DPYSL2: variants seen among roughly 807,000 people sequenced by gnomAD.
DPYSL2 encodes the protein dihydropyrimidinase-related protein 2.
DPYSL2 carries 13 observed loss-of-function variants against 69.9 expected under a neutral mutation model. The observed-to-expected ratio is 0.19, with a 90% CI of 0.12 to 0.30. The LOEUF (loss-of-function observed/expected upper bound fraction) is 0.30. Among genes scored for constraint, DPYSL2 ranks in the 10% least tolerant of loss-of-function variants. The probability of loss-of-function intolerance (pLI) is 1.00; values close to 1 mark genes in which losing one functional copy is unlikely to be tolerated. For missense variants in DPYSL2, 587 were observed against 918.9 expected, an observed-to-expected ratio of 0.64 and a Z score of 4.67; for synonymous variants, 326 against 359.1, an observed-to-expected ratio of 0.91 and a Z score of 1.04.
At chr8:26,521,457 A>G (rs973685115) in intron 1 of DPYSL2, among the ~76,000 whole-genome samples, 2 of 144,488 alleles carry the variant, frequency 1.4e-5, no homozygotes, top group Non-Finnish European at 3.0e-5. Context: ...AAAGAAAGCT[A>G]TGCTGCCCAT....
Position 26,626,664 on chromosome 8 carries a change from C to T in DPYSL2, c.841C>T (p.Leu281=). The change falls in exon 5 of 14, where the codon CTA becomes TTA. Residue 281 remains leucine (L), a synonymous_variant. Transcript: ENST00000521913. The surrounding 1 kb of genome is among the most constrained non-coding windows in gnomAD (Gnocchi z 4.3). ...VYMAFKDRFQ[L]TDCQIYEVLS... ...CATGGCTTTCAAAGATCGCTTCCAG[C>T]TAACGGATTGCCAGGTAAGAAAGTC... 1 of 1,614,210 alleles carries T rather than the reference C, an allele frequency of 6.2e-7. No individual in the cohort carries two copies. The highest frequency in any genetic ancestry group is 2.2e-5 in the East Asian group (1 of 44,888).
chr8:26,521,499 A>T (rs527878644), intron 1 of DPYSL2, among the ~76,000 whole-genome samples: 1 of 151,358 alleles, frequency 6.6e-6, no homozygotes, highest in Non-Finnish European at 1.5e-5. Flanking sequence ...CTTATAATCG[A>T]GGCAAAATTG....
chr8:26,573,961 G>A (rs1668197329), intron 1 of DPYSL2, among the ~76,000 whole-genome samples: 7 of 150,472 alleles, frequency 4.7e-5, no homozygotes, highest in Admixed American at 4.6e-4. Flanking sequence ...TCATAGCAAT[G>A]ATGGCACTTA....
At position 26,571,137 on chromosome 8, in the gene DPYSL2, G is replaced by C. The variant is rs556499317; in HGVS notation, c.355-10832G>C. Among the ~76,000 whole-genome samples the C allele has an allele frequency of 6.6e-6, 1 of 152,332 alleles. No individual in the cohort carries two copies. The highest frequency in any genetic ancestry group is 1.9e-4 in the East Asian group (1 of 5,190). Reference sequence around the variant, plus strand: ...GGTGAGTGGACCCCTCACTAGGTAGGGAGTGAGCCCTTCCTCCTAGTCCAT... The same window carrying C: ...GGTGAGTGGACCCCTCACTAGGTAGCGAGTGAGCCCTTCCTCCTAGTCCAT... On this transcript the variant is annotated intron_variant, in intron 1 of 13. Transcript: ENST00000521913. This position sits in a 1 kb window ranked among gnomAD's most constrained non-coding sequence, Gnocchi z 6.1.
At chr8:26,618,650 A>G (rs1256618424) in intron 3 of DPYSL2, among the ~76,000 whole-genome samples, 1 of 150,796 alleles carries the variant, frequency 6.6e-6, no homozygotes, top group East Asian at 2.0e-4. Context: ...GAGTAAATGG[A>G]GGTTCCTGGC....
intron 3 of DPYSL2, among the ~76,000 whole-genome samples, chr8:26,613,704 G>A: frequency 6.6e-6 from 1 of 152,202 alleles, no homozygotes; most frequent in African/African-American, 2.4e-5. Flanking sequence ...GGAGAGATCA[G>A]GAGCCCCATG....
chr8:26,637,896 T>C (rs538999926), intron 8 of DPYSL2: 1 of 152,364 alleles, frequency 6.6e-6, no homozygotes, highest in Admixed American at 6.5e-5. Flanking sequence ...TGACCAGTTA[T>C]TGTGACTACA....
intron 7 of DPYSL2, among the ~76,000 whole-genome samples, chr8:26,629,791 C>G (rs948369572): frequency 1.3e-5 from 2 of 152,126 alleles, no homozygotes; most frequent in Non-Finnish European, 2.9e-5. Flanking sequence ...AACGGGGTCT[C>G]ACTATATTGC....
At chr8:26,612,617 C>G (rs1266088605) in intron 3 of DPYSL2, among the ~76,000 whole-genome samples, 1 of 152,174 alleles carries the variant, frequency 6.6e-6, no homozygotes, top group Non-Finnish European at 1.5e-5. Flanking sequence ...TTTGGGAGGC[C>G]GAGGCGGGTG....
Position 26,514,159 on chromosome 8 carries a change from G to C in DPYSL2, c.-167G>C. On this transcript the variant is annotated 5_prime_UTR_variant, in exon 1 of 14. Coordinates refer to ENST00000521913, the MANE Select transcript of DPYSL2 (RefSeq NM_001197293.3). The surrounding 1 kb of genome is among the most constrained non-coding windows in gnomAD (Gnocchi z 8.4). ...GCGGGGTCAGGGGGAGGGACCGGGAGGGTGGGTCGCCGGCTCGCCAGCCCT... is the reference window on the plus strand; with the variant it reads ...GCGGGGTCAGGGGGAGGGACCGGGACGGTGGGTCGCCGGCTCGCCAGCCCT... 2.0e-6 allele frequency: 1 copy of C among 502,944 alleles called. No individual in the cohort carries two copies. 31.2% of individuals were successfully genotyped at this position (502,944 alleles called of 1,614,324 possible). A position where few individuals can be genotyped will look rare whatever the true frequency, so the allele number is the denominator to read the frequency against.
chr8:26,577,100 C>T (rs984094593), intron 1 of DPYSL2: 2 of 439,350 alleles, frequency 4.6e-6, no homozygotes, highest in Non-Finnish European at 9.1e-6. Flanking sequence ...CCATACCCCG[C>T]AGCCTTCCCC....
intron 1 of DPYSL2, among the ~76,000 whole-genome samples, chr8:26,542,764 G>A (rs1800706407): frequency 6.6e-6 from 1 of 152,020 alleles, no homozygotes; most frequent in Admixed American, 6.6e-5. Context: ...TGCATTATAG[G>A]AAAGTGAAAA....
chr8:26,627,950 C>G lies in DPYSL2; in HGVS notation c.1005+10C>G, dbSNP rs200535316. 2.6e-5 allele frequency: 42 copies of G among 1,613,018 alleles called. No homozygotes were observed. In the East Asian group the frequency reaches 8.7e-4, roughly 33 times the overall value. ...GAGCCGACCTGAGGAGGTGAATGTT[C>G]ACCAAGCGGAATGCGTGAATCAGTG... On this transcript the variant is annotated intron_variant, in intron 7 of 13. Coordinates refer to ENST00000521913, the MANE Select transcript of DPYSL2 (RefSeq NM_001197293.3). This position sits in a 1 kb window ranked among gnomAD's most constrained non-coding sequence, Gnocchi z 6.9.
chr8:26,624,164 C>A lies in DPYSL2; in HGVS notation c.650C>A (p.Pro217His). The change falls in exon 4 of 14, where the codon CCT becomes CAT. Residue 217 changes from proline (P) to histidine (H), a missense_variant. Pro to His is a moderately conservative substitution (Grantham distance 77). Around this residue, in one of 3 missense-constraint regions of DPYSL2, gnomAD observed 452 missense variants for 754.3 expected, o/e 0.60. Transcript: ENST00000521913. The surrounding 1 kb of genome is among the most constrained non-coding windows in gnomAD (Gnocchi z 4.7). ...CTAGTTGACCACGTTGTTCCTGAGCCTGGGACAAGCCTGCTCGCTGCCTTT... is the reference window on the plus strand; with the variant it reads ...CTAGTTGACCACGTTGTTCCTGAGCATGGGACAAGCCTGCTCGCTGCCTTT... Reference protein sequence around the residue: ...TMIIDHVVPEPGTSLLAAFDQ... With the variant: ...TMIIDHVVPEHGTSLLAAFDQ... The A allele has an allele frequency of 6.2e-7, 1 of 1,614,216 alleles. No homozygotes were observed. Among genetic ancestry groups the A allele is most frequent in the Non-Finnish European group, 8.5e-7 (1 of 1,180,048 alleles).
intron 4 of DPYSL2, among the ~76,000 whole-genome samples, chr8:26,625,641 C>T (rs1050509248): frequency 6.6e-6 from 1 of 152,138 alleles, no homozygotes; most frequent in Non-Finnish European, 1.5e-5. Context: ...GCTTGTTGAA[C>T]TAATGGACCT....
chr8:26,616,286 T>G (rs959014226), intron 3 of DPYSL2, among the ~76,000 whole-genome samples: 2 of 152,120 alleles, frequency 1.3e-5, no homozygotes, highest in African/African-American at 4.8e-5. Context: ...CACGTTATCC[T>G]AACTGCCAAG....
In DPYSL2 at chr8:26,605,192, G is replaced by A. The variant is rs558002805; in HGVS notation, c.629-18951G>A. 2.0e-5 allele frequency among the ~76,000 whole-genome samples: 3 copies of A among 152,292 alleles called. No homozygotes were observed. The South Asian group carries it at 6.2e-4, about 32-fold the overall frequency. On this transcript the variant is annotated intron_variant, in intron 3 of 13. Transcript: ENST00000521913. The surrounding 1 kb of genome is among the most constrained non-coding windows in gnomAD (Gnocchi z 4.1). ...CTCAATATATTGCTCCCTGATGAGG[G>A]AGGGGCCAGAATACATGTTATCACT...
chr8:26,592,476 GT>G (rs11357827), intron 3 of DPYSL2, among the ~76,000 whole-genome samples: 74,159 of 132,694 alleles, frequency 0.56, 20,425 homozygotes, highest in East Asian at 0.73. Flanking sequence ...TTTTTTTTTT[GT>G]TTTTTTTTTT....
chr8:26,652,997 TG>T lies in DPYSL2; in HGVS notation c.1777-230del, dbSNP rs1198928823. On this transcript the variant is annotated intron_variant, in intron 12 of 13. Coordinates refer to ENST00000521913, the MANE Select transcript of DPYSL2 (RefSeq NM_001197293.3). This position sits in a 1 kb window ranked among gnomAD's most constrained non-coding sequence, Gnocchi z 6.3. ...TACAGGGTTTAAAGTTGAAGTGTCT[TG>T]GGGGAAAAATTGTAAGGTGTGTTAG... Among the ~76,000 whole-genome samples the T allele has an allele frequency of 6.6e-6, 1 of 152,092 alleles. No individual in the cohort carries two copies. Among genetic ancestry groups the T allele is most frequent in the Admixed American group, 6.5e-5 (1 of 15,270 alleles).
Sources: gnomAD v4.1 joint callset for allele counts (sites outside exome capture counted in the v4.1 genomes callset) on GRCh38, gnomAD v4.1.1 for gene constraint, gnomAD v4.1.1 regional missense constraint, Gnocchi (gnomAD v3.1) non-coding constraint, MANE v1.5 for transcripts, NCBI Gene and HGNC (gene_info 2026-07-23, HGNC 2026-07-21) for gene names.